THRB: variants seen among roughly 807,000 people sequenced by gnomAD.
The protein encoded by THRB is nuclear receptor subfamily 1 group A member 2.
A neutral mutation model predicts 47.8 loss-of-function variants in THRB; 12 were observed. The ratio of observed to expected loss-of-function variants is 0.25; its 90% CI spans 0.16 to 0.41. THRB has a LOEUF of 0.41. Among genes scored for constraint, THRB ranks in the 10% least tolerant of loss-of-function variants. THRB has a pLI of 1.00. For missense variants in THRB, 348 were observed against 589.2 expected, an observed-to-expected ratio of 0.59 and a Z score of 4.24; for synonymous variants, 218 against 212.2, an observed-to-expected ratio of 1.03 and a Z score of -0.24.
At chr3:24,182,798 T>C (rs918891363) in intron 5 of THRB, among the ~76,000 whole-genome samples, 1 of 152,186 alleles carries the variant, frequency 6.6e-6, no homozygotes, top group African/African-American at 2.4e-5. Flanking sequence ...CCTCGGACTG[T>C]ATAAGTAGAT....
At chr3:24,443,275 T>C (rs2071732918) in intron 1 of THRB, among the ~76,000 whole-genome samples, 1 of 152,112 alleles carries the variant, frequency 6.6e-6, no homozygotes, top group African/African-American at 2.4e-5. Context: ...AATAGATGAA[T>C]TGATTAGAGA....
chr3:24,430,575 T>C (rs569566710), intron 1 of THRB, among the ~76,000 whole-genome samples: 1 of 152,210 alleles, frequency 6.6e-6, no homozygotes, highest in South Asian at 2.1e-4. Context: ...TAGTGAGTTA[T>C]ATGTGTATAT....
chr3:24,188,049 A>G (rs568296535), intron 5 of THRB, among the ~76,000 whole-genome samples: 28 of 152,306 alleles, frequency 1.8e-4, no homozygotes, highest in African/African-American at 6.5e-4. Context: ...TAATTTAATT[A>G]TATTTTCTCA....
chr3:24,234,416 C>T (rs894467546), intron 3 of THRB, among the ~76,000 whole-genome samples: 1 of 152,058 alleles, frequency 6.6e-6, no homozygotes, highest in Admixed American at 6.6e-5. Flanking sequence ...GACACAAGAG[C>T]TATTTTTGGT....
intron 1 of THRB, among the ~76,000 whole-genome samples, chr3:24,410,016 G>T (rs1284384414): frequency 6.6e-6 from 1 of 151,844 alleles, no homozygotes; most frequent in Non-Finnish European, 1.5e-5. Context: ...GGCTATGAAA[G>T]TTGATTGCAT....
chr3:24,255,601 T>C (rs900668131), intron 3 of THRB, among the ~76,000 whole-genome samples: 1 of 152,028 alleles, frequency 6.6e-6, no homozygotes, highest in African/African-American at 2.4e-5. Context: ...AGTCAAAGGA[T>C]GAGTAGGAGT....
At chr3:24,210,325 G>C (rs6800891) in intron 4 of THRB, among the ~76,000 whole-genome samples, 2 of 152,002 alleles carry the variant, frequency 1.3e-5, no homozygotes, top group Admixed American at 1.3e-4. Context: ...TTCATGTGAA[G>C]ATTATTTGTT....
Position 24,462,146 on chromosome 3 carries a change from C to G in THRB, c.-261+32506G>C, listed in dbSNP as rs1440031906. Among the ~76,000 whole-genome samples the G allele has an allele frequency of 2.7e-5, 4 of 149,192 alleles. No individual in the cohort carries two copies. In the East Asian group the frequency reaches 8.0e-4, roughly 30 times the overall value. On this transcript the variant is annotated intron_variant, in intron 1 of 10. Transcript: ENST00000646209. ...TTGTCATCAGAAAAATAATAAAAAG[C>G]ATTAGAACATAATGGCTAAAAAAAA... is the stretch of plus-strand genomic sequence containing the variant.
In THRB at chr3:24,330,318, A is replaced by T. The variant is rs1055555983; in HGVS notation, c.-189+6982T>A. ...GACAGAGCGAGACTCCGTCTCAAAT[A>T]AAAAAAAAAAGATTTCATTTCAAGG... On this transcript the variant is annotated intron_variant, in intron 2 of 10. Transcript: ENST00000646209. Among the ~76,000 whole-genome samples the T allele has an allele frequency of 2.6e-5, 3 of 113,762 alleles. No individual in the cohort carries two copies. The East Asian group carries it at 1.2e-3, about 44-fold the overall frequency. The allele number at this position is 113,762 out of a possible 152,430, so 74.6% of individuals were successfully genotyped here. A position where few individuals can be genotyped will look rare whatever the true frequency, so the allele number is the denominator to read the frequency against.
intron 3 of THRB, among the ~76,000 whole-genome samples, chr3:24,251,780 A>G (rs1345656339): frequency 6.6e-6 from 1 of 152,070 alleles, no homozygotes; most frequent in Non-Finnish European, 1.5e-5. Context: ...GTTTGAAAGC[A>G]CAGGGAAAAA....
intron 3 of THRB, among the ~76,000 whole-genome samples, chr3:24,233,560 G>GAAGAAATAAAGA (rs2048481266): frequency 1.3e-5 from 1 of 77,302 alleles, no homozygotes; most frequent in Admixed American, 1.2e-4. Context: ...AAAGAAAAAG[G>GAAGAAATAAAGA]AAGAAAGAAA....
At chr3:24,389,007 G>T (rs1319477376) in intron 1 of THRB, among the ~76,000 whole-genome samples, 1 of 152,108 alleles carries the variant, frequency 6.6e-6, no homozygotes, top group Admixed American at 6.6e-5. Flanking sequence ...TCTCTACTTT[G>T]TGATAACTGA....
intron 5 of THRB, among the ~76,000 whole-genome samples, chr3:24,188,150 C>T (rs561223289): frequency 1.3e-5 from 2 of 152,332 alleles, no homozygotes; most frequent in Non-Finnish European, 2.9e-5. Flanking sequence ...TCCTACCCCA[C>T]ATCTATCTGA....
intron 6 of THRB, among the ~76,000 whole-genome samples, chr3:24,149,892 T>C (rs983393167): frequency 6.6e-6 from 1 of 152,222 alleles, no homozygotes; most frequent in Non-Finnish European, 1.5e-5. Context: ...GACATATATT[T>C]CATTGATGAT....
intron 1 of THRB, among the ~76,000 whole-genome samples, chr3:24,341,963 G>A (rs1192340761): frequency 2.0e-5 from 3 of 152,098 alleles, no homozygotes; most frequent in Admixed American, 6.5e-5. Flanking sequence ...CTGACATACA[G>A]CTGACCACAA....
At chr3:24,176,675 T>A (rs1433335946) in intron 5 of THRB, among the ~76,000 whole-genome samples, 1 of 152,192 alleles carries the variant, frequency 6.6e-6, no homozygotes, top group Non-Finnish European at 1.5e-5. Flanking sequence ...AACAGTATAC[T>A]AAGAGAAAGA....
rs59544287 is a variant in THRB at position 24,289,232 on chromosome 3, CCAA to C, written c.-43+7991_-43+7993del. Among the ~76,000 whole-genome samples the C allele has an allele frequency of 6.3e-3, 952 of 152,244 alleles. 11 individuals are homozygous for C. Among genetic ancestry groups the C allele is most frequent in the African/African-American group, 0.022 (905 of 41,542 alleles). On this transcript the variant is annotated intron_variant, in intron 3 of 10. Coordinates refer to ENST00000646209, the MANE Select transcript of THRB (RefSeq NM_001354712.2). ...AATGAAACACGTAGGATTTAAAGCA[CCAA>C]CAAGATCTTTAGGTAGACAACTTCA...
At chr3:24,263,593 C>G (rs576309576) in intron 3 of THRB, among the ~76,000 whole-genome samples, 4 of 149,202 alleles carry the variant, frequency 2.7e-5, no homozygotes, top group Non-Finnish European at 5.9e-5. Flanking sequence ...AGATAGTAAA[C>G]TTCATGTGGA....
chr3:24,487,156 G>T (rs1290241518), intron 1 of THRB, among the ~76,000 whole-genome samples: 1 of 152,048 alleles, frequency 6.6e-6, no homozygotes, highest in Non-Finnish European at 1.5e-5. Flanking sequence ...AGGGGTTTGT[G>T]TGTGTGTGTG....
Sources: allele counts gnomAD v4.1 joint callset (sites outside exome capture counted in the v4.1 genomes callset), GRCh38; gene constraint gnomAD v4.1.1; transcripts MANE v1.5; gene names NCBI Gene and HGNC (gene_info 2026-07-23, HGNC 2026-07-21).